The following TRPC4 variants were observed in gnomAD, a reference collection of about 807,000 sequenced individuals.
TRPC4 encodes short transient receptor potential channel 4.
TRPC4 carries 49 observed loss-of-function variants against 99.4 expected under a neutral mutation model. The observed-to-expected ratio is 0.49, with a 90% CI of 0.39 to 0.63. The LOEUF (loss-of-function observed/expected upper bound fraction) is 0.63, where lower values mean the gene tolerates loss of function less well. Ranked by LOEUF, TRPC4 falls within the 20% of genes least tolerant of loss-of-function variation. The pLI is 0.00. For missense variants in TRPC4, 898 were observed against 1,152.9 expected (o/e 0.78, Z 3.20); for synonymous variants, 454 against 425.9 (o/e 1.07, Z -0.81).
chr13:37,824,403 G>A (rs2139555699), intron 1 of TRPC4, among the ~76,000 whole-genome samples: 1 of 151,782 alleles, frequency 6.6e-6, no homozygotes, highest in Non-Finnish European at 1.5e-5. Flanking sequence ...GATATTGGCT[G>A]TGGGTTTGTC....
At chr13:37,819,870 C>T (rs1957965026) in intron 1 of TRPC4, among the ~76,000 whole-genome samples, 1 of 149,420 alleles carries the variant, frequency 6.7e-6, no homozygotes, top group African/African-American at 2.5e-5. Flanking sequence ...AACAACCTAA[C>T]ATCACACCTA....
chr13:37,660,316 C>G (rs933891762), intron 6 of TRPC4, among the ~76,000 whole-genome samples: 1 of 152,072 alleles, frequency 6.6e-6, no homozygotes, highest in Non-Finnish European at 1.5e-5. Context: ...TCAAATGAAG[C>G]AGACACATTA....
At chr13:37,643,243 G>A (rs893137730) in intron 8 of TRPC4, among the ~76,000 whole-genome samples, 1 of 152,078 alleles carries the variant, frequency 6.6e-6, no homozygotes, top group African/African-American at 2.4e-5. Context: ...GCTAATTTAA[G>A]GTATATTTAT....
intron 3 of TRPC4, among the ~76,000 whole-genome samples, chr13:37,721,510 C>T (rs2139035851): frequency 6.6e-6 from 1 of 152,142 alleles, no homozygotes; most frequent in Non-Finnish European, 1.5e-5. Context: ...TTGCTCTTGG[C>T]CCTACTATGT....
At chr13:37,790,186 G>A (rs1366975634) in intron 1 of TRPC4, among the ~76,000 whole-genome samples, 1 of 152,102 alleles carries the variant, frequency 6.6e-6, no homozygotes, top group Non-Finnish European at 1.5e-5. Context: ...CTATAAAATA[G>A]TAGTTGCAGA....
At position 37,849,298 on chromosome 13, in the gene TRPC4, C is replaced by T. The variant is rs575178930; in HGVS notation, c.-28+20297G>A. Among the ~76,000 whole-genome samples the T allele has an allele frequency of 2.0e-5, 3 of 152,066 alleles. No homozygotes were observed. The South Asian group carries it at 6.2e-4, about 32-fold the overall frequency. On this transcript the variant is annotated intron_variant, in intron 1 of 10. Transcript: ENST00000379705. Reference sequence around the variant, plus strand: ...AATAAACAATAATAAGTTATTGATACAAAAAAACAACTTGGATGAATCTAG... The same window carrying T: ...AATAAACAATAATAAGTTATTGATATAAAAAAACAACTTGGATGAATCTAG...
At chr13:37,760,789 A>T in intron 2 of TRPC4, among the ~76,000 whole-genome samples, 1 of 151,886 alleles carries the variant, frequency 6.6e-6, no homozygotes, top group African/African-American at 2.4e-5. Flanking sequence ...TCTTCTTCCA[A>T]TGTGGTCAAA....
intron 2 of TRPC4, among the ~76,000 whole-genome samples, chr13:37,760,413 G>A (rs1031618322): frequency 2.0e-5 from 3 of 151,814 alleles, no homozygotes; most frequent in Non-Finnish European, 4.4e-5. Context: ...AACTGTCATT[G>A]GGCTGCTTTT....
At chr13:37,859,813 A>G (rs973657520) in intron 1 of TRPC4, among the ~76,000 whole-genome samples, 9 of 151,452 alleles carry the variant, frequency 5.9e-5, no homozygotes, top group African/African-American at 2.2e-4. Flanking sequence ...GATATCTGTG[A>G]TTATAAAAAT....
At chr13:37,824,819 A>G (rs1043860480) in intron 1 of TRPC4, among the ~76,000 whole-genome samples, 8 of 151,814 alleles carry the variant, frequency 5.3e-5, no homozygotes, top group Non-Finnish European at 1.2e-4. Flanking sequence ...CTCTTTTTCT[A>G]TTGATTGGAA....
intron 3 of TRPC4, among the ~76,000 whole-genome samples, chr13:37,731,111 T>G (rs528102270): frequency 1.3e-5 from 2 of 152,076 alleles, no homozygotes; most frequent in Non-Finnish European, 2.9e-5. Flanking sequence ...ACATGTTAGA[T>G]TTTTAGCCAA....
At chr13:37,660,651 GAAGATAA>G (rs1952404740) in intron 6 of TRPC4, among the ~76,000 whole-genome samples, 1 of 152,154 alleles carries the variant, frequency 6.6e-6, no homozygotes, top group Non-Finnish European at 1.5e-5. Context: ...TGCCAATCAT[GAAGATAA>G]TAAGAGTAGC....
chr13:37,636,908 A>G lies in TRPC4; in HGVS notation c.2929T>C (p.Leu977=). The change falls in exon 11 of 11, where the codon TTG becomes CTG. Residue 977 remains leucine (L), a synonymous_variant. Coordinates refer to ENST00000379705, the MANE Select transcript of TRPC4 (RefSeq NM_016179.4). ...VTHEDYVTTR[L] Reference sequence around the variant, plus strand: ...AACGCTTCCTCCTTCAAGTATCACAATCTTGTGGTCACGTAATCTTCGTGG... The same window carrying G: ...AACGCTTCCTCCTTCAAGTATCACAGTCTTGTGGTCACGTAATCTTCGTGG... The G allele has an allele frequency of 1.2e-6, 2 of 1,609,454 alleles. No homozygotes were observed. The highest frequency in any genetic ancestry group is 1.7e-6 in the Non-Finnish European group (2 of 1,177,346).
At position 37,704,919 on chromosome 13, in the gene TRPC4, C is replaced by T. The variant is rs371401030; in HGVS notation, c.898-12584G>A. 1.2e-4 allele frequency among the ~76,000 whole-genome samples: 19 copies of T among 152,088 alleles called. No individual in the cohort carries two copies. The East Asian group carries it at 3.7e-3, about 29-fold the overall frequency. ...CTTAAAAAAGTAAAAATAGAACTAC[C>T]ATATGGTCCAGCAATCCCACTACTA... is the stretch of plus-strand genomic sequence containing the variant. On this transcript the variant is annotated intron_variant, in intron 3 of 10. Coordinates refer to ENST00000379705, the MANE Select transcript of TRPC4 (RefSeq NM_016179.4).
At chr13:37,835,952 A>G (rs1958553832) in intron 1 of TRPC4, among the ~76,000 whole-genome samples, 1 of 152,170 alleles carries the variant, frequency 6.6e-6, no homozygotes, top group Non-Finnish European at 1.5e-5. Flanking sequence ...TCTCATCTTA[A>G]ATTCCTGCAT....
At chr13:37,761,825 G>C (rs1956228307) in intron 2 of TRPC4, among the ~76,000 whole-genome samples, 1 of 151,792 alleles carries the variant, frequency 6.6e-6, no homozygotes, top group African/African-American at 2.4e-5. Context: ...TCATCTGAAA[G>C]GTAGAACAAT....
chr13:37,637,284 T>C lies in TRPC4; in HGVS notation c.2553A>G (p.Arg851=). 6.2e-7 allele frequency: 1 copy of C among 1,613,888 alleles called. No individual in the cohort carries two copies. Residue 851 remains arginine, a synonymous_variant, in exon 11 of 11, where the codon CGA becomes CGG. Transcript: ENST00000379705. ...TTTGCTCAGCAGCATTTTGTTTTGATCGTCTATGAAATAACCCAAAGTTTT... is the reference window on the plus strand; with the variant it reads ...TTTGCTCAGCAGCATTTTGTTTTGACCGTCTATGAAATAACCCAAAGTTTT... ...DIKNFGLFHR[R]SKQNAAEQNA...
intron 3 of TRPC4, among the ~76,000 whole-genome samples, chr13:37,730,854 T>A (rs1413117900): frequency 6.6e-6 from 1 of 152,020 alleles, no homozygotes; most frequent in Non-Finnish European, 1.5e-5. Flanking sequence ...TAAGTACCTA[T>A]AAAATGGCAG....
intron 1 of TRPC4, among the ~76,000 whole-genome samples, chr13:37,853,597 T>A (rs1959110686): frequency 6.6e-6 from 1 of 152,126 alleles, no homozygotes; most frequent in South Asian, 2.1e-4. Flanking sequence ...TGGGGACCAA[T>A]CTTGGAGAAA....
Sources: gnomAD v4.1 joint callset for allele counts (sites outside exome capture counted in the v4.1 genomes callset) on GRCh38, gnomAD v4.1.1 for gene constraint, MANE v1.5 for transcripts, NCBI Gene and HGNC (gene_info 2026-07-23, HGNC 2026-07-21) for gene names.